Variants in TSPAN33 observed in about 807,000 individuals in gnomAD.
The protein encoded by TSPAN33 is tetraspanin 33, also known as tetraspanin-33.
TSPAN33 carries 27 observed loss-of-function variants against 34.8 expected under a neutral mutation model. The ratio of observed to expected loss-of-function variants is 0.78; its 90% CI spans 0.57 to 1.07. The LOEUF is 1.07. Ranked by LOEUF, TSPAN33 falls within the 50% of genes least tolerant of loss-of-function variation. The probability of loss-of-function intolerance (pLI) is 0.00; values close to 1 mark genes in which losing one functional copy is unlikely to be tolerated. For missense variants in TSPAN33, 272 were observed against 324.9 expected, an observed-to-expected ratio of 0.84 and a Z score of 1.25; for synonymous variants, 119 against 124.2, an observed-to-expected ratio of 0.96 and a Z score of 0.28.
At chr7:129,159,398 G>A (rs1370633743) in intron 1 of TSPAN33, among the ~76,000 whole-genome samples, 2 of 152,182 alleles carry the variant, frequency 1.3e-5, no homozygotes, top group East Asian at 3.8e-4. Context: ...TGGGCATTTA[G>A]GTTGATTCCA....
intron 1 of TSPAN33, among the ~76,000 whole-genome samples, chr7:129,146,043 CA>C (rs1428255474): frequency 1.3e-5 from 2 of 152,058 alleles, no homozygotes; most frequent in Non-Finnish European, 2.9e-5. Flanking sequence ...TTCCCCCATT[CA>C]CCTCCTCTTC....
intron 4 of TSPAN33, among the ~76,000 whole-genome samples, chr7:129,164,067 C>A (rs1778716522): frequency 6.6e-6 from 1 of 152,076 alleles, no homozygotes; most frequent in South Asian, 2.1e-4. Flanking sequence ...TATTAAATAG[C>A]TCTGTTTTGA....
At chr7:129,149,711 G>A (rs1297808027) in intron 1 of TSPAN33, among the ~76,000 whole-genome samples, 2 of 152,202 alleles carry the variant, frequency 1.3e-5, no homozygotes, top group Non-Finnish European at 2.9e-5. Context: ...AACAAAGCCA[G>A]CCGTGGCCTG....
In TSPAN33 at chr7:129,168,231, C is replaced by G. The variant is rs111858341; in HGVS notation, c.*357C>G. On this transcript the variant is annotated 3_prime_UTR_variant, in exon 8 of 8. Transcript: ENST00000486685. ...CACCACCAGCTCTAGCAGGGATGCT[C>G]CTGAGCTTGGCGGACATACTTAGAT... 4.3e-6 allele frequency: 1 copy of G among 235,116 alleles called. No individual in the cohort carries two copies. The highest frequency in any genetic ancestry group is 6.2e-5 in the South Asian group (1 of 16,182). The allele number at this position is 235,116 out of a possible 1,614,324, so 14.6% of individuals were successfully genotyped here. A position where few individuals can be genotyped will look rare whatever the true frequency, so the allele number is the denominator to read the frequency against.
Position 129,167,038 on chromosome 7 carries a change from T to C in TSPAN33, c.588+132T>C, listed in dbSNP as rs1311427531. The C allele has an allele frequency of 6.5e-6, 7 of 1,084,366 alleles. No individual in the cohort carries two copies. The highest frequency in any genetic ancestry group is 2.4e-5 in the East Asian group (1 of 41,908). The allele number at this position is 1,084,366 out of a possible 1,614,324, so 67.2% of individuals were successfully genotyped here. On this transcript the variant is annotated intron_variant, in intron 6 of 7. Coordinates refer to ENST00000486685, the MANE Select transcript of TSPAN33 (RefSeq NM_178562.5). The surrounding 1 kb of genome is among the most constrained non-coding windows in gnomAD (Gnocchi z 4.6). ...CATGTGGGACAGCTGTCAGGTGTTTTTCTTCACCCCAACCTGATGCTTCTA... is the reference window on the plus strand; with the variant it reads ...CATGTGGGACAGCTGTCAGGTGTTTCTCTTCACCCCAACCTGATGCTTCTA...
At chr7:129,161,636 G>C (rs1406952777) in intron 1 of TSPAN33, 43 bp from the exon 2 acceptor site, 3 of 1,606,090 alleles carry the variant, frequency 1.9e-6, no homozygotes, top group Non-Finnish European at 1.7e-6. Flanking sequence ...GGGCTCTCTG[G>C]TTTCCAGAAT....
rs1366576736 is a variant in TSPAN33 at position 129,148,677 on chromosome 7, C to A, written c.102+3595C>A. 6.6e-6 allele frequency among the ~76,000 whole-genome samples: 1 copy of A among 152,190 alleles called. No individual in the cohort carries two copies. Among genetic ancestry groups the A allele is most frequent in the African/African-American group, 2.4e-5 (1 of 41,462 alleles). ...CCCTCCACTTAAGCCAGGTCAGAAA[C>A]ATGGCAGCCATCCCCTCCTCAGAGC... On this transcript the variant is annotated intron_variant, in intron 1 of 7. Coordinates refer to ENST00000486685, the MANE Select transcript of TSPAN33 (RefSeq NM_178562.5). The surrounding 1 kb of genome is among the most constrained non-coding windows in gnomAD (Gnocchi z 4.2).
At chr7:129,146,307 G>A (rs1411766627) in intron 1 of TSPAN33, among the ~76,000 whole-genome samples, 1 of 152,150 alleles carries the variant, frequency 6.6e-6, no homozygotes, top group African/African-American at 2.4e-5. Context: ...GGGTGGTGAT[G>A]ACAGCGCACT....
At chr7:129,161,288 C>T (rs991090105) in intron 1 of TSPAN33, among the ~76,000 whole-genome samples, 2 of 152,196 alleles carry the variant, frequency 1.3e-5, no homozygotes, top group African/African-American at 2.4e-5. Context: ...CTATGTTACC[C>T]AGGCTGGTCT....
At chr7:129,161,950 T>C (rs1249148511) in intron 2 of TSPAN33, among the ~76,000 whole-genome samples, 2 of 152,176 alleles carry the variant, frequency 1.3e-5, no homozygotes, top group Non-Finnish European at 2.9e-5. Flanking sequence ...TATGCCTACA[T>C]TTGAGGCTTA....
chr7:129,166,097 G>A (rs1394712511), intron 5 of TSPAN33, among the ~76,000 whole-genome samples: 4 of 151,862 alleles, frequency 2.6e-5, no homozygotes, highest in South Asian at 2.1e-4. Context: ...GCCAAACCAC[G>A]CCCAGCTAAT....
intron 1 of TSPAN33, among the ~76,000 whole-genome samples, chr7:129,146,331 C>A (rs1387414305): frequency 6.6e-6 from 1 of 152,124 alleles, no homozygotes; most frequent in Non-Finnish European, 1.5e-5. Context: ...CCATCCTACT[C>A]CTGGGGAAAA....
intron 1 of TSPAN33, among the ~76,000 whole-genome samples, chr7:129,145,433 G>C (rs1433020790): frequency 6.6e-6 from 1 of 152,040 alleles, no homozygotes; most frequent in Non-Finnish European, 1.5e-5. Flanking sequence ...TTCAGGCCTG[G>C]GGGCCTGGAG....
intron 1 of TSPAN33, among the ~76,000 whole-genome samples, chr7:129,159,530 A>G (rs1478951386): frequency 1.3e-5 from 2 of 152,226 alleles, no homozygotes; most frequent in African/African-American, 2.4e-5. Flanking sequence ...ATGAAAAACA[A>G]TGAGAGCCTG....
chr7:129,162,723 G>A, intron 3 of TSPAN33, 110 bp from the exon 4 acceptor site: 2 of 1,437,060 alleles, frequency 1.4e-6, no homozygotes, highest in Non-Finnish European at 1.9e-6. Flanking sequence ...CCTTTCTCAT[G>A]TGTGGGGCAT....
Position 129,167,467 on chromosome 7 carries a change from C to G in TSPAN33, c.657C>G (p.Ile219Met), listed in dbSNP as rs1793160379. The change falls in exon 7 of 8, where the codon ATC becomes ATG. Residue 219 changes from isoleucine (I) to methionine (M), a missense_variant. Ile to Met is a conservative substitution (Grantham distance 10). Transcript: ENST00000486685. The surrounding 1 kb of genome is among the most constrained non-coding windows in gnomAD (Gnocchi z 4.6). ...AFDYLEASKV[I>M]YTNGCIDKLV... The stretch of plus-strand genomic sequence containing the variant: ...ACTACTTGGAAGCTAGCAAAGTCAT[C>G]TACACCAATGGCTGTATTGACAAGT... 2.5e-6 allele frequency: 4 copies of G among 1,614,260 alleles called. No homozygotes were observed. The highest frequency in any genetic ancestry group is 3.4e-6 in the Non-Finnish European group (4 of 1,180,056).
At chr7:129,164,786 A>C in intron 5 of TSPAN33, 1 of 478,376 alleles carries the variant, frequency 2.1e-6, no homozygotes, top group South Asian at 2.2e-5. Flanking sequence ...ATAAATGGTT[A>C]CCTACAGGGG....
At chr7:129,162,352 A>G in intron 2 of TSPAN33, 42 bp from the exon 3 acceptor site, 1 of 1,605,264 alleles carries the variant, frequency 6.2e-7, no homozygotes, top group Admixed American at 1.7e-5. Flanking sequence ...GGGGTTCCTC[A>G]GTGGGCACCA....
rs371325600 is a variant in TSPAN33 at position 129,155,740 on chromosome 7, G to A, written c.103-5939G>A. On this transcript the variant is annotated intron_variant, in intron 1 of 7. Coordinates refer to ENST00000486685, the MANE Select transcript of TSPAN33 (RefSeq NM_178562.5). Reference sequence around the variant, plus strand: ...CATTACTTTTTTCTTTCTTTTTTTTGAGACAGGGTCTTGCTGTGTCACCCA... The same window carrying A: ...CATTACTTTTTTCTTTCTTTTTTTTAAGACAGGGTCTTGCTGTGTCACCCA... Among the ~76,000 whole-genome samples, 42 of 143,444 alleles carry A rather than the reference G, an allele frequency of 2.9e-4. 1 individual carries two copies. In the South Asian group the frequency reaches 8.6e-3, roughly 29 times the overall value. 94.1% of individuals were successfully genotyped at this position (143,444 alleles called of 152,430 possible).
Sources: allele counts gnomAD v4.1 joint callset (sites outside exome capture counted in the v4.1 genomes callset), GRCh38; gene constraint gnomAD v4.1.1; non-coding constraint Gnocchi (gnomAD v3.1); transcripts MANE v1.5; gene names NCBI Gene and HGNC (gene_info 2026-07-23, HGNC 2026-07-21).